Variants in PRELID3B observed in about 807,000 individuals in gnomAD.
PRELID3B encodes PRELI domain containing 3B.
Under a neutral mutation model 24.0 loss-of-function variants are expected in PRELID3B, and 15 were observed. The observed-to-expected ratio is 0.63, with a 90% CI of 0.42 to 0.96. The LOEUF is 0.96. PRELID3B is among the 40% of genes least tolerant of loss of function. PRELID3B has a pLI of 0.00. For missense variants in PRELID3B, 189 were observed against 236.0 expected (o/e 0.80, Z 1.30); for synonymous variants, 62 against 76.0 (o/e 0.82, Z 0.96).
chr20:59,035,163 G>C, intron 5 of PRELID3B, 37 bp from the exon 6 acceptor site: 3 of 1,577,888 alleles, frequency 1.9e-6, no homozygotes, highest in Non-Finnish European at 2.6e-6. Context: ...GTTACTGAGG[G>C]AGAGCAAAGG....
chr20:59,033,722 G>A lies in PRELID3B; in HGVS notation c.*1285C>T, dbSNP rs531144006. The A allele has an allele frequency of 6.6e-6, 1 of 152,132 alleles. No homozygotes were observed. The highest frequency in any genetic ancestry group is 6.5e-5 in the Admixed American group (1 of 15,280). 9.4% of individuals were successfully genotyped at this position (152,132 alleles called of 1,614,324 possible). A position where few individuals can be genotyped will look rare whatever the true frequency, so the allele number is the denominator to read the frequency against. On this transcript the variant is annotated 3_prime_UTR_variant, in exon 6 of 6. Coordinates refer to ENST00000355937, the MANE Select transcript of PRELID3B (RefSeq NM_016045.3). ...TCACACTAAGCACTGTAAAATAAAGGCAAGAGCTAATCATCTTCTAGCAAA... is the reference window on the plus strand; with the variant it reads ...TCACACTAAGCACTGTAAAATAAAGACAAGAGCTAATCATCTTCTAGCAAA...
At chr20:59,035,192 C>T (rs1177338567) in intron 5 of PRELID3B, 66 bp from the exon 6 acceptor site, 6 of 1,459,450 alleles carry the variant, frequency 4.1e-6, no homozygotes, top group South Asian at 1.4e-5. Flanking sequence ...GAACTAATGA[C>T]ACACCAGGAA....
rs548324097 is a variant in PRELID3B, at chr20:59,035,033, C to T, written c.559G>A (p.Ala187Thr). 10 of 1,613,842 alleles carry T rather than the reference C, an allele frequency of 6.2e-6. No individual in the cohort carries two copies. In the Admixed American group the frequency reaches 1.7e-4, roughly 27 times the overall value. ...SARGTIRTPM[A>T]AAAFAEK is the part of the protein sequence containing the mutation. ...CACTTCTCTGCAAACGCTGCTGCTG[C>T]CATTGGAGTCCTTATGGTTCCTCTT... The change falls in exon 6 of 6, where the codon GCA becomes ACA. Residue 187 changes from alanine to threonine, a missense_variant. Physicochemically the swap from Ala to Thr is moderately conservative, Grantham distance 58 (BLOSUM62 0). Transcript: ENST00000355937.
At position 59,036,286 on chromosome 20, in the gene PRELID3B, A is replaced by C. The variant is rs1326007817; in HGVS notation, c.465+185T>G. Among the ~76,000 whole-genome samples the C allele has an allele frequency of 2.0e-5, 3 of 152,216 alleles. No individual in the cohort carries two copies. In the East Asian group the frequency reaches 5.8e-4, roughly 29 times the overall value. On this transcript the variant is annotated intron_variant, in intron 5 of 5. Transcript: ENST00000355937. ...AAGGTTAACTTAGTTGCCCAAGGTT[A>C]AAAGGCTAAAAGTTAGAGCTTGGAT...
rs1427844212 is a variant in PRELID3B, at chr20:59,033,343, G to GT, written c.*1663dup. The GT allele has an allele frequency of 1.4e-5, 2 of 145,206 alleles. No homozygotes were observed. Among genetic ancestry groups the GT allele is most frequent in the African/African-American group, 5.0e-5 (2 of 40,342 alleles). The allele number at this position is 145,206 out of a possible 1,614,324, so 9.0% of individuals were successfully genotyped here. On this transcript the variant is annotated 3_prime_UTR_variant, in exon 6 of 6. Transcript: ENST00000355937. ...AATTTATAGTTTTATCAATAGGTCA[G>GT]TTTTTAAAAAATCAAAGGATAAGGA...
chr20:59,042,592 C>G lies in PRELID3B; in HGVS notation c.32+107G>C, dbSNP rs944682627. The G allele has an allele frequency of 9.1e-6, 12 of 1,319,258 alleles. No homozygotes were observed. The African/African-American group carries it at 1.8e-4, about 20-fold the overall frequency. 81.7% of individuals were successfully genotyped at this position (1,319,258 alleles called of 1,614,324 possible). On this transcript the variant is annotated intron_variant, in intron 1 of 5. Coordinates refer to ENST00000355937, the MANE Select transcript of PRELID3B (RefSeq NM_016045.3). ...CGCAGGCTTCAGAGTTCGCTCCCCT[C>G]GCTAGGCCCGACGCCTAGAAGCCTC...
chr20:59,036,393 A>G, intron 5 of PRELID3B, 78 bp downstream of exon 5: 1 of 1,083,110 alleles, frequency 9.2e-7, no homozygotes. Context: ...GCTTACAAGG[A>G]CACACATGCA....
chr20:59,041,879 G>A (rs1028484754), intron 1 of PRELID3B, among the ~76,000 whole-genome samples: 2 of 151,938 alleles, frequency 1.3e-5, no homozygotes, highest in Non-Finnish European at 2.9e-5. Context: ...GGTAACTCGG[G>A]AAAAAAAAGG....
At chr20:59,036,663 A>C in intron 4 of PRELID3B, 27 bp downstream of exon 4, 1 of 1,583,474 alleles carries the variant, frequency 6.3e-7, no homozygotes, top group African/African-American at 1.4e-5. Context: ...CCTTTACGAT[A>C]CATTTGTTAA....
rs2092051960 is a variant in PRELID3B at position 59,033,941 on chromosome 20, G to C, written c.*1066C>G. The C allele has an allele frequency of 6.6e-6, 1 of 152,146 alleles. No individual in the cohort carries two copies. The highest frequency in any genetic ancestry group is 1.5e-5 in the Non-Finnish European group (1 of 68,028). 9.4% of individuals were successfully genotyped at this position (152,146 alleles called of 1,614,324 possible). A position where few individuals can be genotyped will look rare whatever the true frequency, so the allele number is the denominator to read the frequency against. Reference sequence around the variant, plus strand: ...CACTCAGTGGTTAGTTTCAGGCCAAGCCTCCCCCTACCATTATGCTTGTTC... The same window carrying C: ...CACTCAGTGGTTAGTTTCAGGCCAACCCTCCCCCTACCATTATGCTTGTTC... On this transcript the variant is annotated 3_prime_UTR_variant, in exon 6 of 6. Transcript: ENST00000355937.
chr20:59,036,141 G>A (rs2092070457), intron 5 of PRELID3B, among the ~76,000 whole-genome samples: 1 of 152,086 alleles, frequency 6.6e-6, no homozygotes, highest in Admixed American at 6.6e-5. Context: ...ACACATCATC[G>A]AGCACTTCCT....
In PRELID3B at chr20:59,036,707, A is replaced by T; in HGVS notation, c.345T>A (p.His115Gln). The change falls in exon 4 of 6, where the codon CAT (histidine) becomes CAA (glutamine). Residue 115 changes from histidine (H) to glutamine (Q), a missense_variant. Physicochemically the swap from His to Gln is conservative, Grantham distance 24. Coordinates refer to ENST00000355937, the MANE Select transcript of PRELID3B (RefSeq NM_016045.3). ...SVDERLIYKP[H>Q]PQDPEKTVLT... Reference sequence around the variant, plus strand: ...TTACTCACTTTTCTGGATCCTGAGGATGTGGTTTGTATATAAGTCTCTCAT... The same window carrying T: ...TTACTCACTTTTCTGGATCCTGAGGTTGTGGTTTGTATATAAGTCTCTCAT... 2 of 1,602,938 alleles carry T rather than the reference A, an allele frequency of 1.2e-6. No homozygotes were observed. Among genetic ancestry groups the T allele is most frequent in the Non-Finnish European group, 1.7e-6 (2 of 1,171,200 alleles).
At position 59,036,687 on chromosome 20, in the gene PRELID3B, C is replaced by T; in HGVS notation, c.362+3G>A. 6.3e-7 allele frequency: 1 copy of T among 1,596,314 alleles called. No homozygotes were observed. Among genetic ancestry groups the T allele is most frequent in the Non-Finnish European group, 8.6e-7 (1 of 1,168,758 alleles). ...TACATTTGTTAAAATATTTTTTACT[C>T]ACTTTTCTGGATCCTGAGGATGTGG... is the stretch of plus-strand genomic sequence containing the variant. On this transcript the variant is annotated splice_donor_region_variant and intron_variant, in intron 4 of 5. Coordinates refer to ENST00000355937, the MANE Select transcript of PRELID3B (RefSeq NM_016045.3).
chr20:59,035,213 G>T, intron 5 of PRELID3B, 87 bp from the exon 6 acceptor site: 3 of 1,285,240 alleles, frequency 2.3e-6, no homozygotes, highest in Non-Finnish European at 3.2e-6. Context: ...GTAACAAGGG[G>T]CGTGACAAGT....
At chr20:59,036,659 C>CGATA (rs2092074621) in intron 4 of PRELID3B, 31 bp downstream of exon 4, 1 of 1,579,272 alleles carries the variant, frequency 6.3e-7, no homozygotes, top group East Asian at 2.2e-5. Flanking sequence ...ACACCCTTTA[C>CGATA]GATACATTTG....
In PRELID3B at chr20:59,042,750, A is replaced by T; in HGVS notation, c.-20T>A. On this transcript the variant is annotated 5_prime_UTR_variant, in exon 1 of 6. Coordinates refer to ENST00000355937, the MANE Select transcript of PRELID3B (RefSeq NM_016045.3). ...CTTCATGGTGCCGGCACCCTGAGAG[A>T]TGTCCGGGTAGCGCCAGGGGACAAC... 1 of 1,598,708 alleles carries T rather than the reference A, an allele frequency of 6.3e-7. No individual in the cohort carries two copies. Among genetic ancestry groups the T allele is most frequent in the Non-Finnish European group, 8.5e-7 (1 of 1,173,420 alleles).
At chr20:59,039,652 T>C (rs2092097876) in intron 1 of PRELID3B, among the ~76,000 whole-genome samples, 1 of 152,216 alleles carries the variant, frequency 6.6e-6, no homozygotes, top group African/African-American at 2.4e-5. Context: ...CAATGACTGT[T>C]AAGCCACACA....
chr20:59,034,907 AAAC>A lies in PRELID3B; in HGVS notation c.*97_*99del. On this transcript the variant is annotated 3_prime_UTR_variant, in exon 6 of 6. Transcript: ENST00000355937. The stretch of plus-strand genomic sequence containing the variant: ...CAACTTATCAAAAAAAAAAAAAAAA[AAAC>A]TACCCAAAATATAGTTGTATTTTTA... 46 of 1,145,030 alleles carry A rather than the reference AAAC, an allele frequency of 4.0e-5. No homozygotes were observed. The highest frequency in any genetic ancestry group is 4.9e-5 in the Non-Finnish European group (43 of 873,372). 70.9% of individuals were successfully genotyped at this position (1,145,030 alleles called of 1,614,324 possible). A position where few individuals can be genotyped will look rare whatever the true frequency, so the allele number is the denominator to read the frequency against.
chr20:59,035,151 T>C (rs202179942), intron 5 of PRELID3B, 25 bp from the exon 6 acceptor site: 59 of 1,594,820 alleles, frequency 3.7e-5, no homozygotes, highest in Admixed American at 1.0e-4. Flanking sequence ...AATACATTTA[T>C]TGTTACTGAG....
Sources: gnomAD v4.1 joint callset for allele counts (sites outside exome capture counted in the v4.1 genomes callset) on GRCh38, gnomAD v4.1.1 for gene constraint, MANE v1.5 for transcripts, NCBI Gene and HGNC (gene_info 2026-07-23, HGNC 2026-07-21) for gene names.